Variants in ALK observed in about 807,000 individuals in gnomAD.
ALK encodes ALK tyrosine kinase receptor.
Under a neutral mutation model 163.1 loss-of-function variants are expected in ALK, and 74 were observed. The observed-to-expected ratio is 0.45, with a 90% confidence interval of 0.38 to 0.55. The LOEUF (loss-of-function observed/expected upper bound fraction) is 0.55, where lower values mean the gene tolerates loss of function less well. Ranked by LOEUF, ALK falls within the 20% of genes least tolerant of loss-of-function variation. ALK has a pLI of 0.00. For synonymous variants in ALK, 960 were observed against 843.2 expected, an observed-to-expected ratio of 1.14 and a Z score of -2.40; for missense variants, 2,063 against 2,105.3, an observed-to-expected ratio of 0.98 and a Z score of 0.39.
intron 4 of ALK, among the ~76,000 whole-genome samples, chr2:29,446,254 A>C (rs1287836548): frequency 6.6e-6 from 1 of 152,130 alleles, no homozygotes; most frequent in Non-Finnish European, 1.5e-5. Context: ...ATCAATTCTC[A>C]GAGCAACAAG....
rs535839245 is a variant in ALK, at chr2:29,331,816, G to A, written c.1283-3335C>T. ...GTAGGAGAAAATGGGGAAGGCCAGT[G>A]TCCTCTTTGCCCCTCTTTCAAGGCA... On this transcript the variant is annotated intron_variant, in intron 5 of 28. Coordinates refer to ENST00000389048, the MANE Select transcript of ALK (RefSeq NM_004304.5). 9.2e-5 allele frequency among the ~76,000 whole-genome samples: 14 copies of A among 152,280 alleles called. No individual in the cohort carries two copies. In the South Asian group the frequency reaches 2.9e-3, roughly 32 times the overall value.
intron 3 of ALK, among the ~76,000 whole-genome samples, chr2:29,659,847 CT>C (rs1264218403): frequency 6.6e-6 from 1 of 152,102 alleles, no homozygotes; most frequent in Non-Finnish European, 1.5e-5. Flanking sequence ...TCCCTGCCTC[CT>C]TCTCTTCTTG....
At position 29,223,533 on chromosome 2, in the gene ALK, AG is replaced by A. The variant is rs1669868152; in HGVS notation, c.3173-6del. The A allele has an allele frequency of 6.2e-7, 1 of 1,613,164 alleles. No homozygotes were observed. ...CCTGGTGCTTCCGGCGGTACACTGC[AG>A]GTGGGTGGTCAGCTGCAACATGGCC... is the stretch of plus-strand genomic sequence containing the variant. On this transcript the variant is annotated splice_region_variant and splice_polypyrimidine_tract_variant and intron_variant, in intron 19 of 28. Coordinates refer to ENST00000389048, the MANE Select transcript of ALK (RefSeq NM_004304.5).
At chr2:29,579,759 C>A (rs549286239) in intron 3 of ALK, among the ~76,000 whole-genome samples, 1 of 152,158 alleles carries the variant, frequency 6.6e-6, no homozygotes, top group African/African-American at 2.4e-5. Context: ...GTTGAAAGAC[C>A]CCCTCAGCAA....
At position 29,297,057 on chromosome 2, in the gene ALK, G is replaced by C; in HGVS notation, c.1648C>G (p.Leu550Val). Residue 550 changes from leucine (L) to valine (V), a missense_variant and splice_region_variant, in exon 9 of 29, where the codon CTC (leucine) becomes GTC (valine). By Grantham distance (32) the Leu-to-Val change is conservative. Coordinates refer to ENST00000389048, the MANE Select transcript of ALK (RefSeq NM_004304.5). ...CCACGAATGAGCCAGGACATTCGGA[G>C]CTGTGAGGGCGAGAAGAGTCAGAGG... ...PAPIKSSPCELRMSWLIRGVL... is the reference protein window; with the variant it reads ...PAPIKSSPCEVRMSWLIRGVL... 1 of 1,614,180 alleles carries C rather than the reference G, an allele frequency of 6.2e-7. No individual in the cohort carries two copies. The highest frequency in any genetic ancestry group is 8.5e-7 in the Non-Finnish European group (1 of 1,180,010).
intron 26 of ALK, among the ~76,000 whole-genome samples, chr2:29,206,776 GGTGTGTGT>G (rs3028218): frequency 1.0e-4 from 15 of 150,378 alleles, no homozygotes; most frequent in East Asian, 2.0e-4. Flanking sequence ...TCCCTTTATT[GGTGTGTGT>G]GTGTGTGTGT....
chr2:29,311,173 A>G (rs1326856073), intron 8 of ALK, among the ~76,000 whole-genome samples: 1 of 152,078 alleles, frequency 6.6e-6, no homozygotes, highest in Non-Finnish European at 1.5e-5. Context: ...GGTGAGGGTG[A>G]CTCATGGGGT....
chr2:29,455,468 C>T (rs760718158), intron 4 of ALK, among the ~76,000 whole-genome samples: 4 of 152,154 alleles, frequency 2.6e-5, no homozygotes, highest in African/African-American at 7.2e-5. Flanking sequence ...CTGGCTGAAA[C>T]GCTGTGCCAT....
chr2:29,882,505 C>A (rs1666891402), intron 1 of ALK, among the ~76,000 whole-genome samples: 1 of 152,094 alleles, frequency 6.6e-6, no homozygotes. Context: ...ACCAGCCTGG[C>A]CAACATGGTG....
chr2:29,546,981 A>C (rs913336257), intron 3 of ALK, among the ~76,000 whole-genome samples: 3 of 152,180 alleles, frequency 2.0e-5, no homozygotes, highest in African/African-American at 4.8e-5. Context: ...AGAATGCATC[A>C]CTGTTTGTCA....
chr2:29,556,305 C>T (rs1673859310), intron 3 of ALK, among the ~76,000 whole-genome samples: 1 of 152,180 alleles, frequency 6.6e-6, no homozygotes, highest in Non-Finnish European at 1.5e-5. Context: ...ACAGGACTCT[C>T]TTGTAGAACT....
chr2:29,857,693 G>GA (rs1666177058), intron 1 of ALK, among the ~76,000 whole-genome samples: 1 of 152,186 alleles, frequency 6.6e-6, no homozygotes, highest in South Asian at 2.1e-4. Flanking sequence ...AGTACATTCT[G>GA]GAGAGTGAGT....
chr2:29,841,609 C>G (rs1665701182), intron 1 of ALK, among the ~76,000 whole-genome samples: 1 of 152,140 alleles, frequency 6.6e-6, no homozygotes, highest in South Asian at 2.1e-4. Context: ...TAGCAGGCAG[C>G]CTCTGCTGGG....
At chr2:29,640,271 C>T (rs1308304735) in intron 3 of ALK, among the ~76,000 whole-genome samples, 2 of 152,232 alleles carry the variant, frequency 1.3e-5, no homozygotes, top group East Asian at 3.9e-4. Context: ...CAGTAATCGC[C>T]AATGTTGGAG....
In ALK at chr2:29,549,985, G is replaced by C. The variant is rs1056139999; in HGVS notation, c.953-17869C>G. Among the ~76,000 whole-genome samples the C allele has an allele frequency of 2.0e-5, 3 of 151,486 alleles. No individual in the cohort carries two copies. The East Asian group carries it at 5.8e-4, about 29-fold the overall frequency. On this transcript the variant is annotated intron_variant, in intron 3 of 28. Transcript: ENST00000389048. ...GCCCTAAGCCCCTGGATAAAAAAGT[G>C]CTTCAATTACTATTACAATTCAGGT...
chr2:29,274,469 T>A (rs1665475396), intron 11 of ALK, among the ~76,000 whole-genome samples: 1 of 152,206 alleles, frequency 6.6e-6, no homozygotes, highest in African/African-American at 2.4e-5. Flanking sequence ...GCAGCCTTAG[T>A]CAGCTTCTGC....
At chr2:29,627,917 A>T (rs1185737216) in intron 3 of ALK, among the ~76,000 whole-genome samples, 1 of 152,196 alleles carries the variant, frequency 6.6e-6, no homozygotes, top group Non-Finnish European at 1.5e-5. Context: ...GAAAATGCTG[A>T]AAGGGGAAAG....
chr2:29,725,639 C>CT lies in ALK; in HGVS notation c.668-7943dup, dbSNP rs369165796. On this transcript the variant is annotated intron_variant, in intron 1 of 28. Transcript: ENST00000389048. Reference sequence around the variant, plus strand: ...TCTGTTGTTTATGTTGATTTCTTTTCTTTTTTTTTTTGCTCATTGATTTAG... The same window carrying CT: ...TCTGTTGTTTATGTTGATTTCTTTTCTTTTTTTTTTTTGCTCATTGATTTAG... Among the ~76,000 whole-genome samples, 337 of 145,550 alleles carry CT rather than the reference C, an allele frequency of 2.3e-3. 2 individuals are homozygous for CT. Among genetic ancestry groups the CT allele is most frequent in the African/African-American group, 4.7e-3 (186 of 39,894 alleles).
intron 5 of ALK, among the ~76,000 whole-genome samples, chr2:29,350,221 T>C (rs1457695861): frequency 2.0e-5 from 3 of 152,218 alleles, no homozygotes; most frequent in African/African-American, 7.2e-5. Flanking sequence ...ATGTGAGGTC[T>C]ATCGGGACTG....
Sources: gnomAD v4.1 joint callset for allele counts (sites outside exome capture counted in the v4.1 genomes callset) on GRCh38, gnomAD v4.1.1 for gene constraint, MANE v1.5 for transcripts, NCBI Gene and HGNC (gene_info 2026-07-23, HGNC 2026-07-21) for gene names.